The following ZBTB16 variants were observed in gnomAD, a reference collection of about 807,000 sequenced individuals.
ZBTB16 encodes zinc finger and BTB domain-containing protein 16.
A neutral mutation model predicts 56.8 loss-of-function variants in ZBTB16; 8 were observed. The ratio of observed to expected loss-of-function variants is 0.14; its 90% CI spans 0.08 to 0.25. The LOEUF (loss-of-function observed/expected upper bound fraction) is 0.25. Ranked by LOEUF, ZBTB16 falls within the 10% of genes least tolerant of loss-of-function variation. The pLI, the probability that ZBTB16 is intolerant of heterozygous loss-of-function variation, is 1.00. For missense variants in ZBTB16, 625 were observed against 903.0 expected, an observed-to-expected ratio of 0.69 and a Z score of 3.95; for synonymous variants, 363 against 368.5, an observed-to-expected ratio of 0.98 and a Z score of 0.17.
At chr11:114,234,743 C>G (rs1482095805) in intron 4 of ZBTB16, among the ~76,000 whole-genome samples, 5 of 152,238 alleles carry the variant, frequency 3.3e-5, no homozygotes, top group Admixed American at 2.6e-4. Flanking sequence ...CCCACCCCAG[C>G]CTTCTCCATC....
chr11:114,209,320 G>T (rs1470038636), intron 4 of ZBTB16: 3 of 929,044 alleles, frequency 3.2e-6, no homozygotes, highest in Non-Finnish European at 3.9e-6. Context: ...GTATGCATGT[G>T]TATGTAGGCT....
intron 2 of ZBTB16, among the ~76,000 whole-genome samples, chr11:114,089,496 A>G (rs907249741): frequency 2.6e-5 from 4 of 152,154 alleles, no homozygotes; most frequent in Non-Finnish European, 5.9e-5. Flanking sequence ...GGCAGGTAGC[A>G]CAGCGCAATG....
chr11:114,177,502 G>A (rs1195025145), intron 3 of ZBTB16, among the ~76,000 whole-genome samples: 2 of 152,050 alleles, frequency 1.3e-5, no homozygotes, highest in East Asian at 1.9e-4. Context: ...CGCCCGCCTC[G>A]GCCTGCCAAA....
At chr11:114,095,379 G>A (rs1373339471) in intron 2 of ZBTB16, among the ~76,000 whole-genome samples, 1 of 148,160 alleles carries the variant, frequency 6.7e-6, no homozygotes. Context: ...TCCTGCCTCA[G>A]CCTCCTGAGT....
chr11:114,207,593 AC>A (rs1943911312), intron 4 of ZBTB16, among the ~76,000 whole-genome samples: 1 of 90,526 alleles, frequency 1.1e-5, no homozygotes, highest in South Asian at 4.1e-4. Flanking sequence ...CACACACAAC[AC>A]ACACACACAC....
At chr11:114,117,578 T>G (rs1941210708) in intron 2 of ZBTB16, among the ~76,000 whole-genome samples, 1 of 151,918 alleles carries the variant, frequency 6.6e-6, no homozygotes, top group African/African-American at 2.4e-5. Context: ...CTCCTGAGGT[T>G]TTGGCTTGGA....
chr11:114,248,445 G>A (rs1431440544), intron 6 of ZBTB16, among the ~76,000 whole-genome samples: 1 of 152,192 alleles, frequency 6.6e-6, no homozygotes, highest in Non-Finnish European at 1.5e-5. Context: ...TACAAACCAG[G>A]GCTTTTTGGA....
rs140433448 is a variant in ZBTB16 at position 114,064,306 on chromosome 11, G to A, written c.1006G>A (p.Val336Met). 111 of 1,613,986 alleles carry A rather than the reference G, an allele frequency of 6.9e-5. No individual in the cohort carries two copies. Among genetic ancestry groups the A allele is most frequent in the Non-Finnish European group, 8.3e-5 (98 of 1,180,044 alleles). ...TGAGAAGCATCTGGGCATCTACTCC[G>A]TGTTGCCCAACCACAAGGCTGACGC... is the stretch of plus-strand genomic sequence containing the variant. Reference protein sequence around the residue: ...PPEKHLGIYSVLPNHKADAVL... With the variant: ...PPEKHLGIYSMLPNHKADAVL... Residue 336 changes from valine to methionine, a missense_variant, in exon 2 of 7, where the codon GTG (valine) becomes ATG (methionine). This residue lies in a region of ZBTB16 where 384 missense variants were observed against 393.5 expected (regional missense o/e 0.98). Transcript: ENST00000335953. This position sits in a 1 kb window ranked among gnomAD's most constrained non-coding sequence, Gnocchi z 4.2.
chr11:114,185,913 C>T (rs200088846), intron 3 of ZBTB16, among the ~76,000 whole-genome samples: 3 of 152,288 alleles, frequency 2.0e-5, no homozygotes, highest in East Asian at 1.9e-4. Flanking sequence ...TTGAGTTGCA[C>T]TGAATTAATT....
At chr11:114,153,747 G>A (rs1463564059) in intron 2 of ZBTB16, among the ~76,000 whole-genome samples, 1 of 152,174 alleles carries the variant, frequency 6.6e-6, no homozygotes, top group Non-Finnish European at 1.5e-5. Flanking sequence ...GCCCCTTAGA[G>A]GACCACCTGG....
In ZBTB16 at chr11:114,139,379, C is replaced by A. The variant is rs186393324; in HGVS notation, c.1269-16958C>A. Among the ~76,000 whole-genome samples, 46 of 152,322 alleles carry A rather than the reference C, an allele frequency of 3.0e-4. No homozygotes were observed. In the East Asian group the frequency reaches 6.6e-3, roughly 22 times the overall value. On this transcript the variant is annotated intron_variant, in intron 2 of 6. Transcript: ENST00000335953. ...TTATTGTACTTCCTTCCTGCTTCTTCACTCTCCGGCTTCGCCAGTTTGTTC... is the reference window on the plus strand; with the variant it reads ...TTATTGTACTTCCTTCCTGCTTCTTAACTCTCCGGCTTCGCCAGTTTGTTC...
intron 4 of ZBTB16, among the ~76,000 whole-genome samples, chr11:114,240,323 A>G (rs746927921): frequency 2.7e-4 from 41 of 152,218 alleles, no homozygotes; most frequent in Non-Finnish European, 5.1e-4. Flanking sequence ...CTCACTTGCT[A>G]TCTCCATTGA....
intron 3 of ZBTB16, among the ~76,000 whole-genome samples, chr11:114,161,971 G>A (rs892845716): frequency 6.6e-5 from 10 of 152,216 alleles, no homozygotes; most frequent in African/African-American, 2.4e-4. Context: ...CAGGTGGGAG[G>A]CCCCATCCTT....
intron 2 of ZBTB16, among the ~76,000 whole-genome samples, chr11:114,080,332 A>G (rs953944915): frequency 6.6e-6 from 1 of 152,084 alleles, no homozygotes; most frequent in African/African-American, 2.4e-5. Context: ...ACACTCGCCC[A>G]TCCACTGAGC....
intron 4 of ZBTB16, chr11:114,187,854 G>A (rs7946692): frequency 0.028 from 4,337 of 153,446 alleles, 187 homozygotes; most frequent in African/African-American, 0.094. Context: ...AGCAGCAGCA[G>A]CATTAGATTC....
intron 3 of ZBTB16, among the ~76,000 whole-genome samples, chr11:114,181,690 G>A (rs150372942): frequency 1.5e-3 from 230 of 152,272 alleles, no homozygotes; most frequent in African/African-American, 5.2e-3. Context: ...CAAGTTAGGC[G>A]TGGGATCTCG....
At chr11:114,112,807 G>T (rs1418734990) in intron 2 of ZBTB16, among the ~76,000 whole-genome samples, 2 of 148,398 alleles carry the variant, frequency 1.3e-5, no homozygotes, top group Non-Finnish European at 3.0e-5. Flanking sequence ...TATCACCCAG[G>T]CTGGAGTGCA....
chr11:114,136,057 AGGAGGGTTGCATGGAAT>A (rs1941789770), intron 2 of ZBTB16, among the ~76,000 whole-genome samples: 8 of 152,126 alleles, frequency 5.3e-5, no homozygotes, highest in Admixed American at 3.9e-4. Flanking sequence ...TGAGTAAAGG[AGGAGGGTTGCATGGAAT>A]GCCATTGAAT....
intron 3 of ZBTB16, among the ~76,000 whole-genome samples, chr11:114,181,905 C>T (rs1022846166): frequency 6.6e-6 from 1 of 152,218 alleles, no homozygotes; most frequent in African/African-American, 2.4e-5. Context: ...CTCCTTGCTC[C>T]TCTTGCCTTG....
Sources: allele counts gnomAD v4.1 joint callset (sites outside exome capture counted in the v4.1 genomes callset), GRCh38; gene constraint gnomAD v4.1.1; regional missense constraint gnomAD v4.1.1; non-coding constraint Gnocchi (gnomAD v3.1); transcripts MANE v1.5; gene names NCBI Gene and HGNC (gene_info 2026-07-23, HGNC 2026-07-21).